RUNX3: variants seen among roughly 807,000 people sequenced by gnomAD.
RUNX3 encodes the protein runt-related transcription factor 3.
A neutral mutation model predicts 27.7 loss-of-function variants in RUNX3; 10 were observed. That is an observed-to-expected ratio of 0.36 (90% CI 0.22 to 0.61). RUNX3 has a LOEUF of 0.61. RUNX3 is among the 20% of genes least tolerant of loss of function. The pLI is 0.72. For missense variants in RUNX3, 469 were observed against 629.5 expected (o/e 0.75, Z 2.73); for synonymous variants, 270 against 269.2 (o/e 1.00, Z -0.03).
chr1:24,927,736 G>A lies in RUNX3; in HGVS notation c.283-6C>T. ...ACGTCCCCCAATGCCACCACCTGAAGACACGGGGCGGGGGGATGCAGGGGG... is the reference window on the plus strand; with the variant it reads ...ACGTCCCCCAATGCCACCACCTGAAAACACGGGGCGGGGGGATGCAGGGGG... On this transcript the variant is annotated splice_polypyrimidine_tract_variant and splice_region_variant and intron_variant, in intron 1 of 4. Transcript: ENST00000308873. The surrounding 1 kb of genome is among the most constrained non-coding windows in gnomAD (Gnocchi z 5.0). The A allele has an allele frequency of 1.2e-6, 2 of 1,613,598 alleles. No individual in the cohort carries two copies. Among genetic ancestry groups the A allele is most frequent in the East Asian group, 2.2e-5 (1 of 44,878 alleles).
At position 24,930,210 on chromosome 1, in the gene RUNX3, A is replaced by T; in HGVS notation, c.-342T>A. Reference sequence around the variant, plus strand: ...CCGCTGCCGCCGCCTCCCGCCCCGAAGCTCGCCCGCGGCCGCCCCGACTCC... The same window carrying T: ...CCGCTGCCGCCGCCTCCCGCCCCGATGCTCGCCCGCGGCCGCCCCGACTCC... On this transcript the variant is annotated 5_prime_UTR_variant, in exon 1 of 5. Coordinates refer to ENST00000308873, the MANE Select transcript of RUNX3 (RefSeq NM_004350.3). This position sits in a 1 kb window ranked among gnomAD's most constrained non-coding sequence, Gnocchi z 4.1. 1.0e-6 allele frequency: 1 copy of T among 981,264 alleles called. No individual in the cohort carries two copies. Among genetic ancestry groups the T allele is most frequent in the Non-Finnish European group, 1.2e-6 (1 of 828,242 alleles). 60.8% of individuals were successfully genotyped at this position (981,264 alleles called of 1,614,324 possible).
At chr1:24,957,886 T>A (rs1641986421) in intron 2 of RUNX3, among the ~76,000 whole-genome samples, 1 of 152,238 alleles carries the variant, frequency 6.6e-6, no homozygotes, top group South Asian at 2.1e-4. Context: ...CAGCTGAGGC[T>A]TATAGCCGCA....
At chr1:24,934,599 C>T (rs1333422642), upstream of RUNX3, among the ~76,000 whole-genome samples, 3 of 152,144 alleles carry the variant, frequency 2.0e-5, no homozygotes, top group Non-Finnish European at 2.9e-5. Context: ...GGGCATTGCT[C>T]ATGGTATTCA....
At chr1:24,957,620 C>T (rs1641975783) in intron 2 of RUNX3, among the ~76,000 whole-genome samples, 1 of 152,220 alleles carries the variant, frequency 6.6e-6, no homozygotes, top group African/African-American at 2.4e-5. Context: ...CTTCCACATC[C>T]TGCTTAGAGT....
exon 2 of RUNX3, chr1:24,964,653 T>C: frequency 6.5e-7 from 1 of 1,541,216 alleles, no homozygotes; most frequent in South Asian, 1.2e-5. Context: ...TGTTTTATTT[T>C]TTTTTCCTCT....
intron 1 of RUNX3, 89 bp downstream of exon 1, chr1:24,929,498 T>A: frequency 1.5e-6 from 2 of 1,308,708 alleles, no homozygotes; most frequent in Non-Finnish European, 2.1e-6. Flanking sequence ...GCACCTCCCA[T>A]CCCCACTGCT....
Position 24,901,586 on chromosome 1 carries a change from C to T in RUNX3, c.*536G>A, listed in dbSNP as rs1270143698. The T allele has an allele frequency of 6.4e-6, 1 of 155,246 alleles. No individual in the cohort carries two copies. Among genetic ancestry groups the T allele is most frequent in the Non-Finnish European group, 1.4e-5 (1 of 69,968 alleles). The allele number at this position is 155,246 out of a possible 1,614,324, so 9.6% of individuals were successfully genotyped here. A position where few individuals can be genotyped will look rare whatever the true frequency, so the allele number is the denominator to read the frequency against. On this transcript the variant is annotated 3_prime_UTR_variant, in exon 5 of 5. Coordinates refer to ENST00000308873, the MANE Select transcript of RUNX3 (RefSeq NM_004350.3). ...GCCCCATCTGTACAATGAGGGGAAC[C>T]CCGCTCGAGGGTGGTGGGGGTGGGG...
chr1:24,939,493 A>T (rs372207031), intron 2 of RUNX3, among the ~76,000 whole-genome samples: 1 of 152,386 alleles, frequency 6.6e-6, no homozygotes, highest in East Asian at 1.9e-4. Flanking sequence ...GGACACACAC[A>T]TGGGCAGAAA....
chr1:24,910,297 A>C (rs1471405636), intron 3 of RUNX3, among the ~76,000 whole-genome samples: 1 of 151,798 alleles, frequency 6.6e-6, no homozygotes, highest in Non-Finnish European at 1.5e-5. Flanking sequence ...TCAAAAAAAA[A>C]AAAAAAAAAA....
At chr1:24,964,847 G>T (rs929073996) in exon 1 of RUNX3, 3 of 709,778 alleles carry the variant, frequency 4.2e-6, no homozygotes, top group Non-Finnish European at 6.4e-6. Flanking sequence ...CAAGAATTTG[G>T]ATTCCCGGTC....
At chr1:24,919,760 C>G (rs189355888) in intron 2 of RUNX3, among the ~76,000 whole-genome samples, 22 of 152,096 alleles carry the variant, frequency 1.4e-4, no homozygotes, top group Middle Eastern at 3.4e-3. Flanking sequence ...ACACCCCCCC[C>G]CCACGGTTCC....
Position 24,964,422 on chromosome 1 carries a change from C to T in RUNX3, c.58+92G>A, listed in dbSNP as rs188289982. On this transcript the variant is annotated intron_variant, in intron 2 of 6. Transcript: ENST00000338888. ...AGCGGATTTAGGCGGACAGGCTGTG[C>T]GCTTGAGGGCAGCCAGGGCGGTCAG... 6.6e-4 allele frequency: 672 copies of T among 1,018,190 alleles called. 6 individuals carry two copies. The African/African-American group carries it at 9.4e-3, about 14-fold the overall frequency. 63.1% of individuals were successfully genotyped at this position (1,018,190 alleles called of 1,614,324 possible). A position where few individuals can be genotyped will look rare whatever the true frequency, so the allele number is the denominator to read the frequency against.
At chr1:24,917,919 C>T (rs1302015701) in intron 3 of RUNX3, among the ~76,000 whole-genome samples, 2 of 152,246 alleles carry the variant, frequency 1.3e-5, no homozygotes, top group African/African-American at 4.8e-5. Context: ...CATGACTTGC[C>T]TAGGGTCATG....
rs1640499972 is a variant in RUNX3, at chr1:24,899,775, T to G, written c.*2347A>C. 6.6e-6 allele frequency: 1 copy of G among 152,578 alleles called. No individual in the cohort carries two copies. Among genetic ancestry groups the G allele is most frequent in the African/African-American group, 2.4e-5 (1 of 41,442 alleles). 9.5% of individuals were successfully genotyped at this position (152,578 alleles called of 1,614,324 possible). A position where few individuals can be genotyped will look rare whatever the true frequency, so the allele number is the denominator to read the frequency against. ...AGATTGGTACCCACTACTGACAGGC[T>G]CACAGTAACACTATATCAAAACGTC... On this transcript the variant is annotated 3_prime_UTR_variant, in exon 5 of 5. Coordinates refer to ENST00000308873, the MANE Select transcript of RUNX3 (RefSeq NM_004350.3).
intron 3 of RUNX3, among the ~76,000 whole-genome samples, chr1:24,917,147 T>C (rs1640905676): frequency 6.6e-6 from 1 of 152,084 alleles, no homozygotes; most frequent in Non-Finnish European, 1.5e-5. Context: ...CCACCAAGCG[T>C]CAAGACCCCG....
At chr1:24,950,560 G>T (rs992761979) in intron 2 of RUNX3, among the ~76,000 whole-genome samples, 1 of 152,220 alleles carries the variant, frequency 6.6e-6, no homozygotes, top group Admixed American at 6.5e-5. Context: ...CAGGAGGTGG[G>T]GGGGCCAGGT....
intron 3 of RUNX3, among the ~76,000 whole-genome samples, chr1:24,914,864 C>T (rs1640858434): frequency 6.6e-6 from 1 of 152,174 alleles, no homozygotes; most frequent in Non-Finnish European, 1.5e-5. Context: ...CTGCTGGCTG[C>T]TCACTTCAGG....
At chr1:24,951,215 A>AAAT (rs1553207415) in intron 2 of RUNX3, among the ~76,000 whole-genome samples, 3 of 150,760 alleles carry the variant, frequency 2.0e-5, no homozygotes, top group Admixed American at 6.6e-5. Flanking sequence ...AAAAAAAAAA[A>AAAT]AAAAAAAATA....
At chr1:24,926,747 G>A (rs1398676242) in intron 2 of RUNX3, among the ~76,000 whole-genome samples, 1 of 152,148 alleles carries the variant, frequency 6.6e-6, no homozygotes, top group Non-Finnish European at 1.5e-5. Flanking sequence ...AGCTAGAGGC[G>A]GGCCTGGTGC....
Sources: gnomAD v4.1 joint callset for allele counts (sites outside exome capture counted in the v4.1 genomes callset) on GRCh38, gnomAD v4.1.1 for gene constraint, Gnocchi (gnomAD v3.1) non-coding constraint, MANE v1.5 for transcripts, NCBI Gene and HGNC (gene_info 2026-07-23, HGNC 2026-07-21) for gene names.